COG7: variants seen among roughly 807,000 people sequenced by gnomAD.
The protein encoded by COG7 is component of oligomeric golgi complex 7, also known as conserved oligomeric Golgi complex subunit 7.
A neutral mutation model predicts 91.5 loss-of-function variants in COG7; 49 were observed. That is an observed-to-expected ratio of 0.54 (90% CI 0.43 to 0.68). The LOEUF (loss-of-function observed/expected upper bound fraction) is 0.68, where lower values mean the gene tolerates loss of function less well. COG7 is among the 30% of genes least tolerant of loss of function. The pLI is 0.00. For synonymous variants in COG7, 365 were observed against 388.7 expected (o/e 0.94, Z 0.72); for missense variants, 895 against 961.3 (o/e 0.93, Z 0.91).
rs763663994 is a variant in COG7, at chr16:23,442,470, C to T, written c.604+7G>A. The T allele has an allele frequency of 6.2e-7, 1 of 1,613,596 alleles. No individual in the cohort carries two copies. The highest frequency in any genetic ancestry group is 2.2e-5 in the East Asian group (1 of 44,880). On this transcript the variant is annotated splice_region_variant and intron_variant, in intron 4 of 16. Transcript: ENST00000307149. ...ATACACAGAGATGAGAAGCAGCTAGCACTCACCTACAGCCTGAGAGGTGAA... is the reference window on the plus strand; with the variant it reads ...ATACACAGAGATGAGAAGCAGCTAGTACTCACCTACAGCCTGAGAGGTGAA...
intron 10 of COG7, among the ~76,000 whole-genome samples, chr16:23,411,624 T>C (rs747691746): frequency 1.3e-5 from 2 of 152,182 alleles, no homozygotes; most frequent in Admixed American, 6.6e-5. Context: ...TTAAATTTCA[T>C]CAAAACAATC....
At chr16:23,433,004 TG>T (rs1428232836) in intron 6 of COG7, among the ~76,000 whole-genome samples, 1 of 151,838 alleles carries the variant, frequency 6.6e-6, no homozygotes, top group Non-Finnish European at 1.5e-5. Context: ...TAGATAAGAG[TG>T]GTAAGAAGAG....
chr16:23,390,885 G>A (rs1253228701), intron 16 of COG7, among the ~76,000 whole-genome samples: 3 of 152,258 alleles, frequency 2.0e-5, no homozygotes, highest in Admixed American at 6.5e-5. Context: ...CCATAAAACC[G>A]TGAGCTCCAC....
intron 13 of COG7, among the ~76,000 whole-genome samples, chr16:23,401,816 G>A (rs1963382625): frequency 6.6e-6 from 1 of 152,104 alleles, no homozygotes; most frequent in African/African-American, 2.4e-5. Flanking sequence ...AGCACTTTGG[G>A]AGGCCGAGGT....
chr16:23,444,982 G>A, intron 3 of COG7, 66 bp downstream of exon 3: 1 of 1,183,798 alleles, frequency 8.4e-7, no homozygotes, highest in Non-Finnish European at 1.3e-6. Flanking sequence ...TATCTCTTTT[G>A]CTTTCTCCAA....
At chr16:23,392,184 C>T in intron 16 of COG7, 196 bp downstream of exon 16, 1 of 1,471,736 alleles carries the variant, frequency 6.8e-7, no homozygotes, top group Non-Finnish European at 9.0e-7. Context: ...GATGTCTGAG[C>T]TTCAGCCCGG....
In COG7 at chr16:23,406,104, C is replaced by T. The variant is rs146567185; in HGVS notation, c.1634G>A (p.Ser545Asn). ...LQKDNPAEYA[S>N]LMEILYTLKE... ...AAGGGTATAAAGTATTTCCATTAAA[C>T]TGGCATATTCAGCAGGGTTATCTTT... Residue 545 changes from serine (S) to asparagine (N), a missense_variant, in exon 12 of 17, where the codon AGT (serine) becomes AAT (asparagine). Physicochemically the swap from Ser to Asn is conservative, Grantham distance 46 (BLOSUM62 1). Coordinates refer to ENST00000307149, the MANE Select transcript of COG7 (RefSeq NM_153603.4). 4.3e-6 allele frequency: 7 copies of T among 1,614,016 alleles called. No homozygotes were observed. The African/African-American group carries it at 8.0e-5, about 18-fold the overall frequency.
Position 23,388,803 on chromosome 16 carries a change from C to G in COG7, c.*117G>C. ...GCGTGAGCCACCGTGACCAGCTGAA[C>G]CAAGTCTTTTTAAAGTAACTTCTGC... On this transcript the variant is annotated 3_prime_UTR_variant, in exon 17 of 17. Coordinates refer to ENST00000307149, the MANE Select transcript of COG7 (RefSeq NM_153603.4). 6.4e-7 allele frequency: 1 copy of G among 1,559,136 alleles called. No homozygotes were observed. Among genetic ancestry groups the G allele is most frequent in the South Asian group, 1.2e-5 (1 of 85,426 alleles).
At chr16:23,449,934 C>CATT (rs887855008) in intron 1 of COG7, among the ~76,000 whole-genome samples, 20 of 151,692 alleles carry the variant, frequency 1.3e-4, no homozygotes, top group Non-Finnish European at 2.7e-4. Flanking sequence ...GCTATTATAT[C>CATT]ATTATTATTA....
chr16:23,445,707 G>T lies in COG7; in HGVS notation c.318+106C>A, dbSNP rs1964170414. The stretch of plus-strand genomic sequence containing the variant: ...GTGCTGGGCAGAATCTTGAGTGATG[G>T]TTGGCCTCCCAAAACACCGTGCTGT... On this transcript the variant is annotated intron_variant, in intron 2 of 16. Coordinates refer to ENST00000307149, the MANE Select transcript of COG7 (RefSeq NM_153603.4). 4.4e-6 allele frequency: 5 copies of T among 1,127,344 alleles called. No homozygotes were observed. The Admixed American group carries it at 6.8e-5, about 15-fold the overall frequency. 69.8% of individuals were successfully genotyped at this position (1,127,344 alleles called of 1,614,324 possible).
intron 7 of COG7, among the ~76,000 whole-genome samples, chr16:23,420,934 T>G (rs544167219): frequency 0.025 from 3,339 of 132,704 alleles, 59 homozygotes; most frequent in Admixed American, 0.063. Context: ...TTTTTTTTTT[T>G]GTAGAGATGG....
intron 7 of COG7, among the ~76,000 whole-genome samples, chr16:23,423,219 T>C (rs1478508971): frequency 2.0e-5 from 3 of 150,870 alleles, no homozygotes; most frequent in Admixed American, 6.6e-5. Context: ...ATACAAAAAT[T>C]AGCCTGGTGT....
rs1281190986 is a variant in COG7 at position 23,418,810 on chromosome 16, T to C, written c.1027A>G (p.Lys343Glu). The C allele has an allele frequency of 1.9e-6, 3 of 1,613,692 alleles. No individual in the cohort carries two copies. The highest frequency in any genetic ancestry group is 2.5e-6 in the Non-Finnish European group (3 of 1,179,706). ...LPHLHEHNLV[K>E]VTELVDAVYD... ...ACAGCATCCACCAGCTCCGTGACTT[T>C]TACCAGATTGTGTTCATCTTTAGGG... The change falls in exon 8 of 17, where the codon AAA becomes GAA. Residue 343 changes from lysine to glutamate, a missense_variant. Transcript: ENST00000307149.
intron 12 of COG7, among the ~76,000 whole-genome samples, chr16:23,405,341 C>T (rs950221541): frequency 3.9e-5 from 6 of 152,024 alleles, no homozygotes; most frequent in Admixed American, 3.3e-4. Flanking sequence ...TTGGGATCCT[C>T]TATTACAGGT....
At chr16:23,452,780 C>G (rs1964285076) in intron 1 of COG7, 46 bp downstream of exon 1, 2 of 1,578,176 alleles carry the variant, frequency 1.3e-6, no homozygotes, top group Non-Finnish European at 1.7e-6. Flanking sequence ...CTCTGCCCAG[C>G]CGAGAGCAGG....
In COG7 at chr16:23,421,476, T is replaced by C. The variant is rs1963754976; in HGVS notation, c.1010-2649A>G. 1.3e-5 allele frequency among the ~76,000 whole-genome samples: 2 copies of C among 150,770 alleles called. 1 individual carries two copies. ...TATTATTTTAAATAAATTGCTCTTA[T>C]AAATTAACCAGAAATAGGTTAAACT... is the stretch of plus-strand genomic sequence containing the variant. On this transcript the variant is annotated intron_variant, in intron 7 of 16. Coordinates refer to ENST00000307149, the MANE Select transcript of COG7 (RefSeq NM_153603.4).
At chr16:23,408,416 CA>C (rs2142068901) in intron 11 of COG7, among the ~76,000 whole-genome samples, 1 of 26,912 alleles carries the variant, frequency 3.7e-5, no homozygotes, top group African/African-American at 1.8e-4. Context: ...GGGCGGGAGG[CA>C]GGGGGTGAGC....
intron 14 of COG7, among the ~76,000 whole-genome samples, chr16:23,397,248 T>C (rs1384689897): frequency 2.6e-5 from 4 of 152,248 alleles, no homozygotes; most frequent in African/African-American, 9.6e-5. Context: ...TCTAGTCATT[T>C]TGGCAGAGTC....
intron 14 of COG7, 77 bp downstream of exon 14, chr16:23,397,969 T>G: frequency 7.7e-7 from 1 of 1,291,674 alleles, no homozygotes; most frequent in African/African-American, 1.5e-5. Flanking sequence ...GGGAAATGAC[T>G]ATAAGGGCAA....
Sources: allele counts gnomAD v4.1 joint callset (sites outside exome capture counted in the v4.1 genomes callset), GRCh38; gene constraint gnomAD v4.1.1; transcripts MANE v1.5; gene names NCBI Gene and HGNC (gene_info 2026-07-23, HGNC 2026-07-21).